Variants in ZNF429 observed in about 807,000 individuals in gnomAD.
ZNF429 encodes zinc finger protein 429.
ZNF429 carries 53 observed loss-of-function variants against 56.8 expected under a neutral mutation model. The ratio of observed to expected loss-of-function variants is 0.93; its 90% CI spans 0.75 to 1.17. The LOEUF (loss-of-function observed/expected upper bound fraction) is 1.17, where lower values mean the gene tolerates loss of function less well. Among genes scored for constraint, ZNF429 ranks in the 50% most tolerant of loss-of-function variants. The probability of loss-of-function intolerance (pLI) is 0.00; values close to 1 mark genes in which losing one functional copy is unlikely to be tolerated. For synonymous variants in ZNF429, 278 were observed against 264.7 expected, an observed-to-expected ratio of 1.05 and a Z score of -0.49; for missense variants, 849 against 788.4, an observed-to-expected ratio of 1.08 and a Z score of -0.92.
intron 1 of ZNF429, among the ~76,000 whole-genome samples, chr19:21,508,653 C>T (rs1174371504): frequency 6.6e-6 from 1 of 151,006 alleles, no homozygotes; most frequent in Non-Finnish European, 1.5e-5. Flanking sequence ...TAAAAATTCT[C>T]ATGTACCTTT....
intron 3 of ZNF429, among the ~76,000 whole-genome samples, chr19:21,531,187 A>G: frequency 0.016 from 2,364 of 152,002 alleles, 73 homozygotes; most frequent in African/African-American, 0.054. Flanking sequence ...GTCCTGAAGA[A>G]TATTCATTCT....
Position 21,540,465 on chromosome 19 carries a change from G to A in ZNF429, c.*2387G>A, listed in dbSNP as rs1036907299. ...GCAAATCTGGCATATTTTGATAGAG[G>A]CATACAATATGTAATAATTACATCA... On this transcript the variant is annotated 3_prime_UTR_variant, in exon 4 of 4. Coordinates refer to ENST00000358491, the MANE Select transcript of ZNF429 (RefSeq NM_001001415.4). 4.6e-5 allele frequency among the ~76,000 whole-genome samples: 7 copies of A among 151,710 alleles called. No homozygotes were observed. Among genetic ancestry groups the A allele is most frequent in the Admixed American group, 2.6e-4 (4 of 15,202 alleles).
At chr19:21,525,900 C>T (rs1418659145) in intron 1 of ZNF429, among the ~76,000 whole-genome samples, 1 of 148,424 alleles carries the variant, frequency 6.7e-6, no homozygotes, top group Non-Finnish European at 1.5e-5. Flanking sequence ...TTATCTAAAT[C>T]CTGGGAATTA....
rs750578643 is a variant in ZNF429, at chr19:21,505,621, G to T, written c.-151G>T. The T allele has an allele frequency of 1.2e-5, 8 of 659,776 alleles. No individual in the cohort carries two copies. Among genetic ancestry groups the T allele is most frequent in the African/African-American group, 5.7e-5 (3 of 52,840 alleles). 40.9% of individuals were successfully genotyped at this position (659,776 alleles called of 1,614,324 possible). A position where few individuals can be genotyped will look rare whatever the true frequency, so the allele number is the denominator to read the frequency against. On this transcript the variant is annotated 5_prime_UTR_variant, in exon 1 of 4. Coordinates refer to ENST00000358491, the MANE Select transcript of ZNF429 (RefSeq NM_001001415.4). ...GACAGGACGGTTTCCGGAATATGGC[G>T]GGGCGTTTGGCTCTTGCTGCAGCCA... is the stretch of plus-strand genomic sequence containing the variant.
At chr19:21,508,005 C>T (rs574886138) in intron 1 of ZNF429, among the ~76,000 whole-genome samples, 2 of 152,276 alleles carry the variant, frequency 1.3e-5, no homozygotes, top group Non-Finnish European at 1.5e-5. Context: ...GTAATCCCAG[C>T]ACTTTGGGAG....
Position 21,537,284 on chromosome 19 carries a change from A to C in ZNF429, c.1231A>C (p.Thr411Pro). 1 of 1,614,114 alleles carries C rather than the reference A, an allele frequency of 6.2e-7. No individual in the cohort carries two copies. Among genetic ancestry groups the C allele is most frequent in the East Asian group, 2.2e-5 (1 of 44,846 alleles). ...KCGRVFTCSSTLTQDKKIHTG... is the reference protein window; with the variant it reads ...KCGRVFTCSSPLTQDKKIHTG... Reference sequence around the variant, plus strand: ...TGGCAGAGTTTTTACCTGTTCCTCAACACTTACTCAAGACAAGAAAATTCA... The same window carrying C: ...TGGCAGAGTTTTTACCTGTTCCTCACCACTTACTCAAGACAAGAAAATTCA... The change falls in exon 4 of 4, where the codon ACA becomes CCA. Residue 411 changes from threonine (T) to proline (P), a missense_variant. Physicochemically the swap from Thr to Pro is conservative, Grantham distance 38 (BLOSUM62 -1). Coordinates refer to ENST00000358491, the MANE Select transcript of ZNF429 (RefSeq NM_001001415.4).
rs995696183 is a variant in ZNF429, at chr19:21,538,765, A to G, written c.*687A>G. 9.8e-5 allele frequency: 15 copies of G among 152,356 alleles called. No individual in the cohort carries two copies. The South Asian group carries it at 2.1e-3, about 21-fold the overall frequency. 9.4% of individuals were successfully genotyped at this position (152,356 alleles called of 1,614,324 possible). A position where few individuals can be genotyped will look rare whatever the true frequency, so the allele number is the denominator to read the frequency against. ...CAAATTTAAAAAATGTGGAAAAGCCATTAAAATCTGTTCACATCTTAACAA... is the reference window on the plus strand; with the variant it reads ...CAAATTTAAAAAATGTGGAAAAGCCGTTAAAATCTGTTCACATCTTAACAA... On this transcript the variant is annotated 3_prime_UTR_variant, in exon 4 of 4. Transcript: ENST00000358491.
chr19:21,511,653 C>T (rs1006140139), intron 1 of ZNF429, among the ~76,000 whole-genome samples: 1 of 151,538 alleles, frequency 6.6e-6, no homozygotes, highest in Non-Finnish European at 1.5e-5. Context: ...GGCAGAGACG[C>T]TCCTCACTTC....
At chr19:21,507,134 T>A (rs113661483) in intron 1 of ZNF429, among the ~76,000 whole-genome samples, 4 of 152,042 alleles carry the variant, frequency 2.6e-5, no homozygotes, top group Admixed American at 2.6e-4. Flanking sequence ...GCCTACCACT[T>A]AACTATTTTC....
intron 2 of ZNF429, among the ~76,000 whole-genome samples, chr19:21,530,178 G>A: frequency 6.8e-6 from 1 of 146,312 alleles, no homozygotes; most frequent in Admixed American, 6.8e-5. Context: ...GCAAAAGAGC[G>A]AGACTCCATC....
intron 1 of ZNF429, among the ~76,000 whole-genome samples, chr19:21,514,357 G>A (rs1306275349): frequency 6.6e-6 from 1 of 151,950 alleles, no homozygotes; most frequent in African/African-American, 2.4e-5. Flanking sequence ...CCTCAACTAG[G>A]CCTCAGTGCT....
intron 3 of ZNF429, among the ~76,000 whole-genome samples, chr19:21,531,123 A>ACAG: frequency 3.2e-5 from 3 of 93,322 alleles, no homozygotes; most frequent in Non-Finnish European, 6.7e-5. Context: ...AAAAAAAAAA[A>ACAG]AAAAAACCAA....
intron 3 of ZNF429, among the ~76,000 whole-genome samples, chr19:21,533,921 TGTTGTGTGCTCATGGCACACAACA>T: frequency 6.6e-6 from 1 of 152,170 alleles, no homozygotes; most frequent in African/African-American, 2.4e-5. Flanking sequence ...TTCTTTTCTC[TGTTGTGTGCTCATGGCACACAACA>T]GATCATATAC....
At position 21,506,760 on chromosome 19, in the gene ZNF429, G is replaced by GTTTTTT. The variant is rs539545648; in HGVS notation, c.3+987_3+992dup. On this transcript the variant is annotated intron_variant, in intron 1 of 3. Transcript: ENST00000358491. ...TACAAAAAAAAAAGCATTTGAGTTAGTTTTTTGTTTTTTTTTTTTTTTTTT... is the reference window on the plus strand; with the variant it reads ...TACAAAAAAAAAAGCATTTGAGTTAGTTTTTTTTTTTTGTTTTTTTTTTTTTTTTTT... 7.2e-3 allele frequency among the ~76,000 whole-genome samples: 859 copies of GTTTTTT among 119,436 alleles called. 41 individuals carry two copies. Among genetic ancestry groups the GTTTTTT allele is most frequent in the Middle Eastern group, 0.014 (3 of 208 alleles). The allele number at this position is 119,436 out of a possible 152,430, so 78.4% of individuals were successfully genotyped here. A position where few individuals can be genotyped will look rare whatever the true frequency, so the allele number is the denominator to read the frequency against.
At chr19:21,514,588 C>T (rs758215200) in intron 1 of ZNF429, among the ~76,000 whole-genome samples, 6 of 151,642 alleles carry the variant, frequency 4.0e-5, no homozygotes, top group Non-Finnish European at 8.8e-5. Context: ...CACACACACA[C>T]ATATATATAT....
At chr19:21,533,913 CT>C in intron 3 of ZNF429, among the ~76,000 whole-genome samples, 1 of 152,004 alleles carries the variant, frequency 6.6e-6, no homozygotes, top group Non-Finnish European at 1.5e-5. Context: ...AAGAGATTTT[CT>C]TTTCTCTGTT....
At chr19:21,535,826 A>G in intron 3 of ZNF429, among the ~76,000 whole-genome samples, 347 of 152,110 alleles carry the variant, frequency 2.3e-3, no homozygotes, top group African/African-American at 8.3e-3. Context: ...GTATACCACC[A>G]TTTCTTTCAG....
chr19:21,514,345 A>C (rs1234104728), intron 1 of ZNF429, among the ~76,000 whole-genome samples: 1 of 151,848 alleles, frequency 6.6e-6, no homozygotes, highest in Non-Finnish European at 1.5e-5. Flanking sequence ...CCTACCCTCC[A>C]CCCTCAACTA....
At position 21,538,859 on chromosome 19, in the gene ZNF429, A is replaced by G. The variant is rs2033823673; in HGVS notation, c.*781A>G. On this transcript the variant is annotated 3_prime_UTR_variant, in exon 4 of 4. Coordinates refer to ENST00000358491, the MANE Select transcript of ZNF429 (RefSeq NM_001001415.4). ...GTCAAACAATCTTGTAGAAAATATC[A>G]TCCTTTAAAGTGAATGAGACTAGTC... is the stretch of plus-strand genomic sequence containing the variant. 6.6e-6 allele frequency among the ~76,000 whole-genome samples: 1 copy of G among 152,166 alleles called. No homozygotes were observed. Among genetic ancestry groups the G allele is most frequent in the South Asian group, 2.1e-4 (1 of 4,834 alleles).
Sources: allele counts gnomAD v4.1 joint callset (sites outside exome capture counted in the v4.1 genomes callset), GRCh38; gene constraint gnomAD v4.1.1; transcripts MANE v1.5; gene names NCBI Gene and HGNC (gene_info 2026-07-23, HGNC 2026-07-21).